ZNF597: variants seen among roughly 807,000 people sequenced by gnomAD.
The protein encoded by ZNF597 is zinc finger protein 597.
A neutral mutation model predicts 7.3 loss-of-function variants in ZNF597; 5 were observed. That is an observed-to-expected ratio of 0.68 (90% CI 0.36 to 1.44). The LOEUF is 1.44. Among genes scored for constraint, ZNF597 ranks in the 40% most tolerant of loss-of-function variants. ZNF597 has a pLI of 0.04. For missense variants in ZNF597, 585 were observed against 517.9 expected (o/e 1.13, Z -1.26); for synonymous variants, 209 against 185.4 (o/e 1.13, Z -1.04).
rs1055316587 is a variant in ZNF597 at position 3,437,015 on chromosome 16, G to T, written c.684C>A (p.Ser228=). 6.2e-6 allele frequency: 10 copies of T among 1,614,008 alleles called. No homozygotes were observed. The highest frequency in any genetic ancestry group is 6.8e-6 in the Non-Finnish European group (8 of 1,180,028). The change falls in exon 4 of 4, where the codon TCC becomes TCA. Residue 228 remains serine, a synonymous_variant. Transcript: ENST00000301744. ...CCTTTACGTGGCTATTCATGTGTCG[G>T]GATAGATGAGAGTGCTGGCGAAAGC... ...SASFRQHSHL[S]RHMNSHVKEK...
rs2034303640 is a variant in ZNF597, at chr16:3,436,659, TCA to T, written c.1038_1039del (p.Cys346Ter). ...CTCAGAGAAACAAGGAAAGGTCATG[TCA>T]CAGTCAGGACACTGTAAGGGCTTGA... On this transcript the variant is annotated stop_gained and frameshift_variant, in exon 4 of 4. Coordinates refer to ENST00000301744, the MANE Select transcript of ZNF597 (RefSeq NM_152457.3). LOFTEE classifies it low-confidence loss of function (END_TRUNC). 1 of 1,612,016 alleles carries T rather than the reference TCA, an allele frequency of 6.2e-7. No homozygotes were observed. Among genetic ancestry groups the T allele is most frequent in the Non-Finnish European group, 8.5e-7 (1 of 1,178,864 alleles).
rs2150932021 is a variant in ZNF597, at chr16:3,435,143, C to A, written c.*1281G>T. The stretch of plus-strand genomic sequence containing the variant: ...AATGTTATGGGTGTTTTTTAAAAAA[C>A]CAAAACCCAGTTAAGACCTTCAGTA... On this transcript the variant is annotated 3_prime_UTR_variant, in exon 4 of 4. Coordinates refer to ENST00000301744, the MANE Select transcript of ZNF597 (RefSeq NM_152457.3). The A allele has an allele frequency of 6.6e-6, 1 of 152,144 alleles. No individual in the cohort carries two copies. The highest frequency in any genetic ancestry group is 1.9e-4 in the East Asian group (1 of 5,188). The allele number at this position is 152,144 out of a possible 1,614,324, so 9.4% of individuals were successfully genotyped here.
intron 3 of ZNF597, among the ~76,000 whole-genome samples, chr16:3,439,762 C>T (rs555947023): frequency 5.3e-5 from 8 of 152,008 alleles, no homozygotes; most frequent in South Asian, 2.1e-4. Context: ...ATCTAACATC[C>T]GACCAAAATT....
chr16:3,443,037 A>G lies in ZNF597; in HGVS notation c.33+84T>C, dbSNP rs951119909. 3.9e-6 allele frequency: 6 copies of G among 1,544,152 alleles called. No individual in the cohort carries two copies. In the African/African-American group the frequency reaches 5.4e-5, roughly 14 times the overall value. ...CAGGAGCACTCCTACCACAACAGGCATGCCCAACTCTCCTCCAAAGGAGGG... is the reference window on the plus strand; with the variant it reads ...CAGGAGCACTCCTACCACAACAGGCGTGCCCAACTCTCCTCCAAAGGAGGG... On this transcript the variant is annotated intron_variant, in intron 2 of 3. Transcript: ENST00000301744.
In ZNF597 at chr16:3,443,192, G is replaced by C. The variant is rs753514850; in HGVS notation, c.-39C>G. ...AATGCCTTCTTCAAGACGCCACAGGGACTTCGTGACAAAGCTGCGGGGGGA... is the reference window on the plus strand; with the variant it reads ...AATGCCTTCTTCAAGACGCCACAGGCACTTCGTGACAAAGCTGCGGGGGGA... On this transcript the variant is annotated 5_prime_UTR_variant, in exon 2 of 4. Transcript: ENST00000301744. 2.2e-5 allele frequency: 35 copies of C among 1,601,366 alleles called. No homozygotes were observed. Among genetic ancestry groups the C allele is most frequent in the Non-Finnish European group, 2.7e-5 (32 of 1,173,064 alleles).
rs767352823 is a variant in ZNF597, at chr16:3,432,820, T to C, written c.*3604A>G. ...ATGAATACATACACTTCTAATGTAA[T>C]GAACATCATTTTGTTAAACAGATGG... On this transcript the variant is annotated 3_prime_UTR_variant, in exon 4 of 4. Coordinates refer to ENST00000301744, the MANE Select transcript of ZNF597 (RefSeq NM_152457.3). 16 of 152,244 alleles carry C rather than the reference T, an allele frequency of 1.1e-4. No individual in the cohort carries two copies. The highest frequency in any genetic ancestry group is 1.9e-4 in the Non-Finnish European group (13 of 68,036). The allele number at this position is 152,244 out of a possible 1,614,324, so 9.4% of individuals were successfully genotyped here.
chr16:3,437,306 T>C lies in ZNF597; in HGVS notation c.393A>G (p.Glu131=). 6.2e-7 allele frequency: 1 copy of C among 1,613,894 alleles called. No individual in the cohort carries two copies. Among genetic ancestry groups the C allele is most frequent in the South Asian group, 1.1e-5 (1 of 91,072 alleles). Residue 131 remains glutamate, a synonymous_variant, in exon 4 of 4, where the codon GAA becomes GAG. Transcript: ENST00000301744. ...VTIENHTPLV[E]LSEYLGTNTL... ...TGTTGGTTCCTAAATATTCAGAGAG[T>C]TCTACTAATGGGGTGTGGTTTTCAA...
rs2034273768 is a variant in ZNF597 at position 3,433,600 on chromosome 16, A to G, written c.*2824T>C. The G allele has an allele frequency of 6.6e-6, 1 of 152,186 alleles. No homozygotes were observed. The highest frequency in any genetic ancestry group is 2.1e-4 in the South Asian group (1 of 4,836). 9.4% of individuals were successfully genotyped at this position (152,186 alleles called of 1,614,324 possible). A position where few individuals can be genotyped will look rare whatever the true frequency, so the allele number is the denominator to read the frequency against. On this transcript the variant is annotated 3_prime_UTR_variant, in exon 4 of 4. Coordinates refer to ENST00000301744, the MANE Select transcript of ZNF597 (RefSeq NM_152457.3). ...AACATGGAAGGCTAGTATCTGAGTT[A>G]ATGACAATTTTATGGAATTTATCTC...
Position 3,442,633 on chromosome 16 carries a change from C to G in ZNF597, c.33+488G>C, listed in dbSNP as rs2034402347. On this transcript the variant is annotated intron_variant, in intron 2 of 3. Coordinates refer to ENST00000301744, the MANE Select transcript of ZNF597 (RefSeq NM_152457.3). ...GAGCTTGCAGTGAGCCGAGATCGCGCCACTGCACTCCAGCCTGGGCGACAG... is the reference window on the plus strand; with the variant it reads ...GAGCTTGCAGTGAGCCGAGATCGCGGCACTGCACTCCAGCCTGGGCGACAG... Among the ~76,000 whole-genome samples the G allele has an allele frequency of 2.0e-5, 3 of 151,332 alleles. No individual in the cohort carries two copies. The South Asian group carries it at 6.3e-4, about 32-fold the overall frequency.
At position 3,443,449 on chromosome 16, in the gene ZNF597, C is replaced by T. The variant is rs1466471357; in HGVS notation, c.-143G>A. The T allele has an allele frequency of 1.9e-6, 1 of 520,950 alleles. No individual in the cohort carries two copies. The highest frequency in any genetic ancestry group is 3.4e-6 in the Non-Finnish European group (1 of 298,470). 32.3% of individuals were successfully genotyped at this position (520,950 alleles called of 1,614,324 possible). On this transcript the variant is annotated 5_prime_UTR_variant, in exon 1 of 4. Coordinates refer to ENST00000301744, the MANE Select transcript of ZNF597 (RefSeq NM_152457.3). ...GAGACGCGACGAAGAACGCCACGGC[C>T]ACTGCAAAACTCCCACGCTCTCATG...
rs748077844 is a variant in ZNF597 at position 3,436,485 on chromosome 16, G to GT, written c.1213dup (p.Thr405AsnfsTer12). ...AATGAGATGCAAATTCGACTTGAAA[G>GT]TTTTCCCACACACGGTACATTTAAA... On this transcript the variant is annotated frameshift_variant, in exon 4 of 4. Transcript: ENST00000301744. LOFTEE classifies it low-confidence loss of function (END_TRUNC). The GT allele has an allele frequency of 9.3e-6, 15 of 1,614,184 alleles. No individual in the cohort carries two copies. The highest frequency in any genetic ancestry group is 1.3e-5 in the Non-Finnish European group (15 of 1,180,028).
Position 3,436,775 on chromosome 16 carries a change from G to C in ZNF597, c.924C>G (p.Ser308=), listed in dbSNP as rs2034305402. The C allele has an allele frequency of 6.2e-7, 1 of 1,613,632 alleles. No homozygotes were observed. The highest frequency in any genetic ancestry group is 1.3e-5 in the African/African-American group (1 of 75,040). Residue 308 remains serine, a synonymous_variant, in exon 4 of 4, where the codon TCC becomes TCG. Coordinates refer to ENST00000301744, the MANE Select transcript of ZNF597 (RefSeq NM_152457.3). The part of the protein sequence containing the change: ...HTKCMKSFRQ[S]LYPALSEKSH... ...TCTTCTCGGAAAGGGCAGGATATAA[G>C]GACTGCCTGAAGCTCTTCATGCACT...
At chr16:3,439,190 G>A (rs1205480806) in intron 3 of ZNF597, among the ~76,000 whole-genome samples, 1 of 151,472 alleles carries the variant, frequency 6.6e-6, no homozygotes. Flanking sequence ...ACCAGCCTGG[G>A]CAACATGGCA....
At position 3,443,497 on chromosome 16, in the gene ZNF597, GA is replaced by G. The variant is rs986667120; in HGVS notation, c.-192del. The G allele has an allele frequency of 1.8e-5, 9 of 506,134 alleles. No individual in the cohort carries two copies. Among genetic ancestry groups the G allele is most frequent in the African/African-American group, 1.2e-4 (6 of 50,486 alleles). The allele number at this position is 506,134 out of a possible 1,614,324, so 31.4% of individuals were successfully genotyped here. On this transcript the variant is annotated 5_prime_UTR_variant, in exon 1 of 4. Coordinates refer to ENST00000301744, the MANE Select transcript of ZNF597 (RefSeq NM_152457.3). ...ATGCTCCTTTACGCAGGAGCTGCGGGAAAAGCCGCCGGAAGCGACCCGCCCT... is the reference window on the plus strand; with the variant it reads ...ATGCTCCTTTACGCAGGAGCTGCGGGAAAGCCGCCGGAAGCGACCCGCCCT...
chr16:3,440,661 A>T, intron 3 of ZNF597, 146 bp downstream of exon 3: 2 of 1,088,170 alleles, frequency 1.8e-6, no homozygotes, highest in Non-Finnish European at 2.6e-6. Context: ...TCATATTTTA[A>T]AACTTTTTCT....
chr16:3,437,091 CTG>C lies in ZNF597; in HGVS notation c.606_607del (p.His202GlnfsTer7). On this transcript the variant is annotated frameshift_variant, in exon 4 of 4. Transcript: ENST00000301744. LOFTEE classifies it low-confidence loss of function (END_TRUNC). ...AGGTTTCTCACCAGTATGGATTCTC[CTG>C]TGTGTCCTCAGGTTGGCTCTATGAT... 1 of 1,614,182 alleles carries C rather than the reference CTG, an allele frequency of 6.2e-7. No homozygotes were observed. Among genetic ancestry groups the C allele is most frequent in the Non-Finnish European group, 8.5e-7 (1 of 1,180,044 alleles).
In ZNF597 at chr16:3,432,935, T is replaced by C. The variant is rs2034268996; in HGVS notation, c.*3489A>G. Reference sequence around the variant, plus strand: ...TAGACTATTCATATAAACTATAACCTGCTATGTCTCCCTTTGTACACATAG... The same window carrying C: ...TAGACTATTCATATAAACTATAACCCGCTATGTCTCCCTTTGTACACATAG... On this transcript the variant is annotated 3_prime_UTR_variant, in exon 4 of 4. Coordinates refer to ENST00000301744, the MANE Select transcript of ZNF597 (RefSeq NM_152457.3). 1 of 152,268 alleles carries C rather than the reference T, an allele frequency of 6.6e-6. No individual in the cohort carries two copies. Among genetic ancestry groups the C allele is most frequent in the African/African-American group, 2.4e-5 (1 of 41,472 alleles). 9.4% of individuals were successfully genotyped at this position (152,268 alleles called of 1,614,324 possible). A position where few individuals can be genotyped will look rare whatever the true frequency, so the allele number is the denominator to read the frequency against.
chr16:3,442,919 C>T (rs2034412029), intron 2 of ZNF597, among the ~76,000 whole-genome samples: 1 of 152,120 alleles, frequency 6.6e-6, no homozygotes, highest in Admixed American at 6.5e-5. Context: ...GGTCCCTGCT[C>T]CCAGTTGGTA....
rs1201079064 is a variant in ZNF597 at position 3,433,304 on chromosome 16, G to A, written c.*3120C>T. 2 of 151,988 alleles carry A rather than the reference G, an allele frequency of 1.3e-5. No individual in the cohort carries two copies. The highest frequency in any genetic ancestry group is 4.8e-5 in the African/African-American group (2 of 41,254). The allele number at this position is 151,988 out of a possible 1,614,324, so 9.4% of individuals were successfully genotyped here. On this transcript the variant is annotated 3_prime_UTR_variant, in exon 4 of 4. Transcript: ENST00000301744. ...ATCTGAATTCCATTGGAAAAATGCT[G>A]TTTTCATCAATGACGACTGTTTAAA...
Sources: gnomAD v4.1 joint callset for allele counts (sites outside exome capture counted in the v4.1 genomes callset) on GRCh38, gnomAD v4.1.1 for gene constraint, MANE v1.5 for transcripts, NCBI Gene and HGNC (gene_info 2026-07-23, HGNC 2026-07-21) for gene names.